The following ATG14 variants were observed in gnomAD, a reference collection of about 807,000 sequenced individuals.
The protein encoded by ATG14 is autophagy related 14, also known as beclin 1-associated autophagy-related key regulator.
In ATG14, 35 loss-of-function variants were observed where a neutral mutation model predicts 60.4. The ratio of observed to expected loss-of-function variants is 0.58; its 90% CI spans 0.44 to 0.77. The LOEUF (loss-of-function observed/expected upper bound fraction) is 0.77, where lower values mean the gene tolerates loss of function less well. Among genes scored for constraint, ATG14 ranks in the 30% least tolerant of loss-of-function variants. The pLI is 0.00. For synonymous variants in ATG14, 234 were observed against 228.8 expected, an observed-to-expected ratio of 1.02 and a Z score of -0.21; for missense variants, 647 against 626.3, an observed-to-expected ratio of 1.03 and a Z score of -0.35.
At chr14:55,379,571 ATTT>A (rs1415034861) in intron 7 of ATG14, among the ~76,000 whole-genome samples, 2 of 152,182 alleles carry the variant, frequency 1.3e-5, no homozygotes, top group African/African-American at 4.8e-5. Flanking sequence ...TAAACTTTTA[ATTT>A]TTTAAAAAAA....
chr14:55,385,921 T>C lies in ATG14; in HGVS notation c.585A>G (p.Arg195=). 1 of 1,614,198 alleles carries C rather than the reference T, an allele frequency of 6.2e-7. No individual in the cohort carries two copies. The highest frequency in any genetic ancestry group is 1.3e-5 in the African/African-American group (1 of 75,042). The change falls in exon 5 of 10, where the codon CGA becomes CGG. Residue 195 remains arginine, a synonymous_variant. Coordinates refer to ENST00000247178, the MANE Select transcript of ATG14 (RefSeq NM_014924.5). ...CAGAGGTGAGCTCTAATATATGGGA[T>C]CGTCGAAGATTTGCCAGACGCTCAT... ...SHYERLANLR[R]SHILELTSVI...
intron 3 of ATG14, chr14:55,395,267 G>T (rs984344593): frequency 6.0e-6 from 2 of 335,198 alleles, no homozygotes; most frequent in East Asian, 1.7e-4. Context: ...CCAAGCGCCT[G>T]CGAGGCATAG....
chr14:55,378,145 A>G, intron 7 of ATG14, 71 bp from the exon 8 acceptor site: 2 of 1,344,274 alleles, frequency 1.5e-6, no homozygotes, highest in Non-Finnish European at 1.0e-6. Flanking sequence ...TTCCATTTAC[A>G]GTACAATTAG....
intron 2 of ATG14, 48 bp downstream of exon 2, chr14:55,397,324 G>A: frequency 1.3e-6 from 2 of 1,506,288 alleles, no homozygotes; most frequent in African/African-American, 1.4e-5. Flanking sequence ...TCAACCAAAT[G>A]TTGACTAGAT....
rs201727714 is a variant in ATG14, at chr14:55,411,764, C to T, written c.59G>A (p.Arg20Gln). The change falls in exon 1 of 10, where the codon CGG becomes CAG. Residue 20 changes from arginine to glutamine, a missense_variant. Transcript: ENST00000247178. ...GTCCACCAGGTCCCGGGCGAGCGGC[C>T]GGGGCCCGCAGCCAGGAGCCTCCAG... ...RALEAPGCGP[R>Q]PLARDLVDSV... 8.4e-5 allele frequency: 135 copies of T among 1,606,380 alleles called. 2 individuals carry two copies. In the East Asian group the frequency reaches 2.1e-3, roughly 25 times the overall value.
Position 55,369,926 on chromosome 14 carries a change from C to A in ATG14, c.1173-1G>T. On this transcript the variant is annotated splice_acceptor_variant, in intron 9 of 9. Transcript: ENST00000247178. LOFTEE classifies it high-confidence loss of function. Reference sequence around the variant, plus strand: ...TGCTCGTACTTCAAAGGGCCCTGACCTGTGTGCAGACAATGAGGGTCTCTT... The same window carrying A: ...TGCTCGTACTTCAAAGGGCCCTGACATGTGTGCAGACAATGAGGGTCTCTT... 6.3e-7 allele frequency: 1 copy of A among 1,597,380 alleles called. No homozygotes were observed. The highest frequency in any genetic ancestry group is 1.1e-5 in the South Asian group (1 of 89,728).
chr14:55,406,612 G>A (rs537559193), intron 1 of ATG14, among the ~76,000 whole-genome samples: 1 of 152,286 alleles, frequency 6.6e-6, no homozygotes, highest in Admixed American at 6.5e-5. Context: ...AGTGCCCAAT[G>A]AGAGCTCATT....
At chr14:55,377,703 T>A in intron 9 of ATG14, 116 bp downstream of exon 9, 1 of 643,102 alleles carries the variant, frequency 1.6e-6, no homozygotes, top group East Asian at 2.8e-5. Flanking sequence ...ACTCCACTAT[T>A]TTTGTCCGGT....
At chr14:55,397,486 A>G (rs768181070) in intron 1 of ATG14, 52 bp from the exon 2 acceptor site, 19 of 1,378,764 alleles carry the variant, frequency 1.4e-5, no homozygotes, top group African/African-American at 2.8e-5. Context: ...TTTCAGTTCA[A>G]TGAGACTATG....
At chr14:55,375,492 T>A (rs1255537998) in intron 9 of ATG14, among the ~76,000 whole-genome samples, 5 of 127,896 alleles carry the variant, frequency 3.9e-5, no homozygotes, top group Admixed American at 7.4e-5. Context: ...CGGGCTAAAT[T>A]TTTTTTTTTT....
chr14:55,386,162 A>T, intron 4 of ATG14, 66 bp from the exon 5 acceptor site: 1 of 1,325,124 alleles, frequency 7.5e-7, no homozygotes, highest in Admixed American at 2.2e-5. Flanking sequence ...GCAGAGCTCC[A>T]CCCCACAAAC....
intron 1 of ATG14, among the ~76,000 whole-genome samples, chr14:55,409,947 G>A (rs1304610249): frequency 6.6e-6 from 1 of 152,218 alleles, no homozygotes; most frequent in African/African-American, 2.4e-5. Flanking sequence ...AGGTGATGGT[G>A]AAAGGGTAAG....
chr14:55,373,609 G>C (rs529077747), intron 9 of ATG14, among the ~76,000 whole-genome samples: 1 of 151,958 alleles, frequency 6.6e-6, no homozygotes, highest in Non-Finnish European at 1.5e-5. Context: ...ACAGGCACCC[G>C]CCACCACGCC....
chr14:55,411,403 G>A (rs1885569150), intron 1 of ATG14, among the ~76,000 whole-genome samples, 199 bp downstream of exon 1: 1 of 152,182 alleles, frequency 6.6e-6, no homozygotes, highest in South Asian at 2.1e-4. Context: ...ATGGGGAAAC[G>A]GCGACCTTCC....
chr14:55,394,198 G>T (rs1246398197), intron 3 of ATG14, among the ~76,000 whole-genome samples: 1 of 146,106 alleles, frequency 6.8e-6, no homozygotes, highest in South Asian at 2.1e-4. Flanking sequence ...GTACAGATGG[G>T]GTTTCACCAT....
chr14:55,408,656 A>G (rs1246412677), intron 1 of ATG14, among the ~76,000 whole-genome samples: 1 of 152,168 alleles, frequency 6.6e-6, no homozygotes, highest in African/African-American at 2.4e-5. Context: ...CTGTAGTCCC[A>G]CCTACTCAAA....
intron 9 of ATG14, among the ~76,000 whole-genome samples, chr14:55,376,472 G>A (rs967640163): frequency 1.3e-5 from 2 of 152,168 alleles, no homozygotes; most frequent in Non-Finnish European, 2.9e-5. Flanking sequence ...CTGTAAAATG[G>A]CACAACATTG....
In ATG14 at chr14:55,369,628, TC is replaced by T; in HGVS notation, c.1469del (p.Gly490AspfsTer32). ...SVTSWFKAYT[G>X]HR ...TTTTGGTCCATGCTCGTTAACGGTG[TC>T]CAGTGTAAGCTTTAAACCAGGAGGT... On this transcript the variant is annotated frameshift_variant, in exon 10 of 10. Transcript: ENST00000247178. LOFTEE classifies it high-confidence loss of function. 1 of 1,518,484 alleles carries T rather than the reference TC, an allele frequency of 6.6e-7. No homozygotes were observed. The highest frequency in any genetic ancestry group is 1.3e-5 in the South Asian group (1 of 75,544). The allele number at this position is 1,518,484 out of a possible 1,614,324, so 94.1% of individuals were successfully genotyped here.
chr14:55,375,501 T>A (rs1214316646), intron 9 of ATG14, among the ~76,000 whole-genome samples: 1 of 135,276 alleles, frequency 7.4e-6, no homozygotes, highest in African/African-American at 3.3e-5. Flanking sequence ...TTTTTTTTTT[T>A]TTTTTTTTTT....
Sources: allele counts gnomAD v4.1 joint callset (sites outside exome capture counted in the v4.1 genomes callset), GRCh38; gene constraint gnomAD v4.1.1; transcripts MANE v1.5; gene names NCBI Gene and HGNC (gene_info 2026-07-23, HGNC 2026-07-21).